Variants in SCNN1B observed in about 807,000 individuals in gnomAD.
The protein encoded by SCNN1B is sodium channel epithelial 1 subunit beta.
Under a neutral mutation model 65.3 loss-of-function variants are expected in SCNN1B, and 46 were observed. That is an observed-to-expected ratio of 0.70 (90% CI 0.56 to 0.90). The LOEUF (loss-of-function observed/expected upper bound fraction) is 0.90. Among genes scored for constraint, SCNN1B ranks in the 40% least tolerant of loss-of-function variants. The pLI, the probability that SCNN1B is intolerant of heterozygous loss-of-function variation, is 0.00. For synonymous variants in SCNN1B, 349 were observed against 330.6 expected, an observed-to-expected ratio of 1.06 and a Z score of -0.60; for missense variants, 751 against 830.5, an observed-to-expected ratio of 0.90 and a Z score of 1.18.
chr16:23,305,001 G>A lies in SCNN1B; in HGVS notation c.-9+2564G>A, dbSNP rs576309792. On this transcript the variant is annotated intron_variant, in intron 1 of 12. Transcript: ENST00000343070. ...GGAGATGGCCCTTGGGTGGTGGGGG[G>A]ACGCAGGGGTGATGCCTAGAGCCAC... is the stretch of plus-strand genomic sequence containing the variant. Among the ~76,000 whole-genome samples, 10 of 152,196 alleles carry A rather than the reference G, an allele frequency of 6.6e-5. No individual in the cohort carries two copies. The East Asian group carries it at 7.7e-4, about 12-fold the overall frequency.
At chr16:23,300,847 A>G (rs532467147), upstream of SCNN1B, among the ~76,000 whole-genome samples, 2 of 152,260 alleles carry the variant, frequency 1.3e-5, no homozygotes, top group Middle Eastern at 6.8e-3. Flanking sequence ...AAAGAAAAAA[A>G]TTGTAAAAAA....
intron 2 of SCNN1B, among the ~76,000 whole-genome samples, chr16:23,349,689 A>T (rs890151130): frequency 1.3e-5 from 2 of 152,166 alleles, no homozygotes; most frequent in Admixed American, 1.3e-4. Context: ...AGGCAACACA[A>T]ATACAACAGT....
intron 11 of SCNN1B, 27 bp downstream of exon 11, chr16:23,378,794 G>A: frequency 6.2e-7 from 1 of 1,608,774 alleles, no homozygotes; most frequent in Non-Finnish European, 8.5e-7. Context: ...GCGGGGCTGG[G>A]GAAGACAGGG....
At chr16:23,335,636 A>C (rs775614346) in intron 1 of SCNN1B, among the ~76,000 whole-genome samples, 5 of 150,720 alleles carry the variant, frequency 3.3e-5, no homozygotes, top group Non-Finnish European at 5.9e-5. Flanking sequence ...TAGTAGAGAC[A>C]GGGTTTTGCC....
In SCNN1B at chr16:23,380,158, G is replaced by A; in HGVS notation, c.1531G>A (p.Ala511Thr). 1 of 1,613,424 alleles carries A rather than the reference G, an allele frequency of 6.2e-7. No individual in the cohort carries two copies. Among genetic ancestry groups the A allele is most frequent in the Non-Finnish European group, 8.5e-7 (1 of 1,179,734 alleles). The change falls in exon 12 of 13, where the codon GCA becomes ACA. Residue 511 changes from alanine to threonine, a missense_variant. By Grantham distance (58) the Ala-to-Thr change is moderately conservative. Coordinates refer to ENST00000343070, the MANE Select transcript of SCNN1B (RefSeq NM_000336.3). The surrounding 1 kb of genome is among the most constrained non-coding windows in gnomAD (Gnocchi z 5.4). ...TAACTATCGCACCATTGAAGAATCA[G>A]CAGCCAATAACGTGAGTTTAGGAGT... is the stretch of plus-strand genomic sequence containing the variant. ...EFNYRTIEES[A>T]ANNIVWLLSN... is the part of the protein sequence containing the mutation.
chr16:23,353,111 C>T (rs748846284), intron 3 of SCNN1B, 37 bp downstream of exon 3: 1 of 1,610,204 alleles, frequency 6.2e-7, no homozygotes, highest in Non-Finnish European at 8.5e-7. Flanking sequence ...GCAATGGGCC[C>T]CACCCAGTGA....
At chr16:23,292,249 A>C (rs1341785990) in intron 2 of SCNN1B, among the ~76,000 whole-genome samples, 6 of 146,384 alleles carry the variant, frequency 4.1e-5, no homozygotes, top group Non-Finnish European at 7.4e-5. Context: ...GCTGGAGTGC[A>C]GTGGCACGAT....
intron 1 of SCNN1B, among the ~76,000 whole-genome samples, chr16:23,314,061 C>T (rs1361314414): frequency 2.0e-5 from 3 of 152,054 alleles, no homozygotes; most frequent in African/African-American, 7.2e-5. Context: ...ACTCTGTTGC[C>T]CAGGCTGGAA....
chr16:23,291,062 T>C (rs1960916850), intron 2 of SCNN1B, among the ~76,000 whole-genome samples: 2 of 118,620 alleles, frequency 1.7e-5, no homozygotes, highest in Non-Finnish European at 3.2e-5. Context: ...TACCACATTT[T>C]TTTTTCTTTT....
chr16:23,304,830 G>A (rs1313766845), intron 1 of SCNN1B, among the ~76,000 whole-genome samples: 1 of 152,074 alleles, frequency 6.6e-6, no homozygotes, highest in South Asian at 2.1e-4. Flanking sequence ...TCCCTGAGCC[G>A]TAGTTTTCAC....
At chr16:23,286,274 C>G (rs1037593398) in intron 2 of SCNN1B, among the ~76,000 whole-genome samples, 3 of 152,196 alleles carry the variant, frequency 2.0e-5, no homozygotes, top group Non-Finnish European at 2.9e-5. Flanking sequence ...TTGACTCAGA[C>G]AATGATCATC....
intron 7 of SCNN1B, among the ~76,000 whole-genome samples, chr16:23,375,371 G>A (rs1284624169): frequency 3.9e-5 from 6 of 152,090 alleles, no homozygotes; most frequent in East Asian, 1.9e-4. Context: ...GTGCTTGGAC[G>A]GAGGCTGGCA....
chr16:23,316,043 A>C (rs796178069), intron 1 of SCNN1B, among the ~76,000 whole-genome samples: 45 of 68,134 alleles, frequency 6.6e-4, no homozygotes, highest in African/African-American at 2.0e-3. Context: ...CATCGCCACC[A>C]TCACCATCAC....
chr16:23,370,255 G>T (rs538596986), intron 5 of SCNN1B, among the ~76,000 whole-genome samples: 1 of 152,192 alleles, frequency 6.6e-6, no homozygotes, highest in South Asian at 2.1e-4. Flanking sequence ...ACAGGTGGCC[G>T]CCACCATGCC....
intron 1 of SCNN1B, among the ~76,000 whole-genome samples, chr16:23,347,007 A>G (rs554739514): frequency 2.0e-5 from 3 of 152,274 alleles, no homozygotes; most frequent in Admixed American, 1.3e-4. Flanking sequence ...TGAGAGTCAA[A>G]GCCAGAAATT....
At chr16:23,286,951 T>TG (rs1555481543) in intron 2 of SCNN1B, among the ~76,000 whole-genome samples, 1 of 151,816 alleles carries the variant, frequency 6.6e-6, no homozygotes, top group Non-Finnish European at 1.5e-5. Flanking sequence ...TATTTAGTTT[T>TG]TTGTTGTTGT....
chr16:23,292,184 ATTTC>A (rs1364569449), intron 2 of SCNN1B, among the ~76,000 whole-genome samples: 8 of 146,036 alleles, frequency 5.5e-5, no homozygotes, highest in African/African-American at 7.6e-5. Context: ...TATTTATTTT[ATTTC>A]TTTCTTTATT....
intron 2 of SCNN1B, among the ~76,000 whole-genome samples, chr16:23,293,632 A>C (rs1276206351): frequency 6.6e-6 from 1 of 152,170 alleles, no homozygotes; most frequent in African/African-American, 2.4e-5. Flanking sequence ...GTACACTTAA[A>C]AATGATTAAA....
chr16:23,348,636 C>T lies in SCNN1B; in HGVS notation c.37C>T (p.Arg13Trp), dbSNP rs1962239061. The T allele has an allele frequency of 3.7e-6, 6 of 1,613,336 alleles. No individual in the cohort carries two copies. The highest frequency in any genetic ancestry group is 2.7e-5 in the African/African-American group (2 of 74,904). ...VKKYLLKGLH[R>W]LQKGPGYTYK... is the part of the protein sequence containing the mutation. ...GAAGTACCTGCTGAAGGGCCTGCAT[C>T]GGCTGCAGAAGGGCCCCGGCTACAC... is the stretch of plus-strand genomic sequence containing the variant. Residue 13 changes from arginine to tryptophan, a missense_variant, in exon 2 of 13, where the codon CGG (arginine) becomes TGG (tryptophan). Transcript: ENST00000343070. This position sits in a 1 kb window ranked among gnomAD's most constrained non-coding sequence, Gnocchi z 4.5.
Sources: allele counts gnomAD v4.1 joint callset (sites outside exome capture counted in the v4.1 genomes callset), GRCh38; gene constraint gnomAD v4.1.1; non-coding constraint Gnocchi (gnomAD v3.1); transcripts MANE v1.5; gene names NCBI Gene and HGNC (gene_info 2026-07-23, HGNC 2026-07-21).